The following PRRX1 variants were observed in gnomAD, a reference collection of about 807,000 sequenced individuals.
PRRX1 encodes paired mesoderm homeobox protein 1.
Under a neutral mutation model 24.0 loss-of-function variants are expected in PRRX1, and 8 were observed. That is an observed-to-expected ratio of 0.33 (90% confidence interval 0.20 to 0.60). PRRX1 has a LOEUF of 0.60. Among genes scored for constraint, PRRX1 ranks in the 20% least tolerant of loss-of-function variants. PRRX1 has a pLI of 0.82. For missense variants in PRRX1, 281 were observed against 322.4 expected, an observed-to-expected ratio of 0.87 and a Z score of 0.98; for synonymous variants, 160 against 131.7, an observed-to-expected ratio of 1.22 and a Z score of -1.47.
intron 1 of PRRX1, among the ~76,000 whole-genome samples, chr1:170,681,503 A>G (rs1010813184): frequency 2.0e-4 from 31 of 152,172 alleles, no homozygotes; most frequent in Admixed American, 7.9e-4. Flanking sequence ...GCAAAAAAAA[A>G]AACCCTCTTA....
At chr1:170,682,575 G>C (rs1349694186) in intron 1 of PRRX1, among the ~76,000 whole-genome samples, 1 of 152,068 alleles carries the variant, frequency 6.6e-6, no homozygotes, top group African/African-American at 2.4e-5. Context: ...TTGTAGAACA[G>C]ACTTCCATGC....
At chr1:170,728,043 C>A (rs1374197067) in intron 3 of PRRX1, 1 of 152,188 alleles carries the variant, frequency 6.6e-6, no homozygotes, top group Non-Finnish European at 1.5e-5. Flanking sequence ...GCTTCAAGAT[C>A]TCTGGTTTGA....
At chr1:170,674,823 G>A (rs1429224866) in intron 1 of PRRX1, among the ~76,000 whole-genome samples, 2 of 151,710 alleles carry the variant, frequency 1.3e-5, no homozygotes, top group African/African-American at 4.9e-5. Flanking sequence ...ATGTATTATT[G>A]TACATTTCAA....
chr1:170,726,302 C>T lies in PRRX1; in HGVS notation c.500C>T (p.Ser167Phe). ...LANKNASLLKSYSGDVTAVEQ... is the reference protein window; with the variant it reads ...LANKNASLLKFYSGDVTAVEQ... ...AATAAAAACGCTTCCCTCCTCAAAT[C>T]CTACTCAGGAGACGTGACTGCTGTG... The change falls in exon 3 of 4, where the codon TCC (serine) becomes TTC (phenylalanine). Residue 167 changes from serine to phenylalanine, a missense_variant. Transcript: ENST00000239461. 6.2e-7 allele frequency: 1 copy of T among 1,614,050 alleles called. No homozygotes were observed.
At chr1:170,674,223 C>T (rs376404012) in intron 1 of PRRX1, among the ~76,000 whole-genome samples, 5 of 151,994 alleles carry the variant, frequency 3.3e-5, no homozygotes, top group Admixed American at 6.6e-5. Context: ...CACACGTGTG[C>T]GCGCTTGCGC....
At chr1:170,724,906 C>T (rs574316142) in intron 2 of PRRX1, among the ~76,000 whole-genome samples, 12 of 152,298 alleles carry the variant, frequency 7.9e-5, no homozygotes, top group African/African-American at 2.6e-4. Flanking sequence ...TTCTTCCTAT[C>T]CATGAGCATA....
chr1:170,686,371 T>C (rs1558048445), intron 1 of PRRX1, among the ~76,000 whole-genome samples: 3 of 152,012 alleles, frequency 2.0e-5, no homozygotes, highest in African/African-American at 7.2e-5. Flanking sequence ...CACTGGGGCG[T>C]AGGGGAAGCA....
intron 1 of PRRX1, among the ~76,000 whole-genome samples, chr1:170,673,919 G>A (rs2101886820): frequency 6.6e-6 from 1 of 152,266 alleles, no homozygotes; most frequent in East Asian, 1.9e-4. Flanking sequence ...CTAGCCTGTG[G>A]AAACTCTCTG....
chr1:170,721,772 A>G (rs1558060956), intron 2 of PRRX1, among the ~76,000 whole-genome samples: 2 of 152,002 alleles, frequency 1.3e-5, no homozygotes. Context: ...CTTCCTCAAC[A>G]CTGCTTACCG....
At chr1:170,688,342 TTTTTTTTCTA>T (rs1338029874) in intron 1 of PRRX1, among the ~76,000 whole-genome samples, 1 of 151,914 alleles carries the variant, frequency 6.6e-6, no homozygotes, top group Non-Finnish European at 1.5e-5. Context: ...AAGGTATCTA[TTTTTTTTCTA>T]TTTTTCTTAA....
chr1:170,727,771 T>G (rs1002488831), intron 3 of PRRX1: 1 of 152,232 alleles, frequency 6.6e-6, no homozygotes, highest in African/African-American at 2.4e-5. Context: ...TTCTGGGCCC[T>G]ATTGCACTCA....
chr1:170,738,834 G>C lies in PRRX1; in HGVS notation c.*2648G>C, dbSNP rs534619366. 4.4e-6 allele frequency: 1 copy of C among 229,150 alleles called. No homozygotes were observed. The highest frequency in any genetic ancestry group is 2.2e-5 in the African/African-American group (1 of 45,220). The allele number at this position is 229,150 out of a possible 1,614,324, so 14.2% of individuals were successfully genotyped here. A position where few individuals can be genotyped will look rare whatever the true frequency, so the allele number is the denominator to read the frequency against. Reference sequence around the variant, plus strand: ...TAAACCCAAATGATAGGTGAAGTTGGGTGGTTTTATCCAATGTCTCAAGCA... The same window carrying C: ...TAAACCCAAATGATAGGTGAAGTTGCGTGGTTTTATCCAATGTCTCAAGCA... On this transcript the variant is annotated 3_prime_UTR_variant, in exon 4 of 4. Transcript: ENST00000239461.
intron 1 of PRRX1, 56 bp downstream of exon 1, chr1:170,664,515 C>A: frequency 1.3e-6 from 2 of 1,547,652 alleles, no homozygotes; most frequent in Non-Finnish European, 1.7e-6. Context: ...GGGCGGGGAC[C>A]CGTGTAGGGC....
intron 1 of PRRX1, among the ~76,000 whole-genome samples, chr1:170,708,536 A>G (rs1330822052): frequency 6.6e-6 from 1 of 152,166 alleles, no homozygotes; most frequent in Non-Finnish European, 1.5e-5. Context: ...GGAAATGACT[A>G]ACTAGAAGAA....
Position 170,719,908 on chromosome 1 carries a change from C to G in PRRX1, c.417+7C>G, listed in dbSNP as rs185136214. 352 of 1,613,760 alleles carry G rather than the reference C, an allele frequency of 2.2e-4. 1 individual carries two copies. The African/African-American group carries it at 3.9e-3, about 18-fold the overall frequency. ...CACCGAGGCGAGAGTGCAGGTAACTCAAGCTGTGAGAGGCTGGCACCAAGT... is the reference window on the plus strand; with the variant it reads ...CACCGAGGCGAGAGTGCAGGTAACTGAAGCTGTGAGAGGCTGGCACCAAGT... On this transcript the variant is annotated splice_region_variant and intron_variant, in intron 2 of 3. Transcript: ENST00000239461.
At chr1:170,730,385 G>A in intron 3 of PRRX1, 1 of 1,547,344 alleles carries the variant, frequency 6.5e-7, no homozygotes, top group South Asian at 1.1e-5. Context: ...GGCTGCTTGG[G>A]GTAGGGTTTA....
intron 1 of PRRX1, among the ~76,000 whole-genome samples, chr1:170,700,746 C>A (rs993905656): frequency 2.6e-5 from 4 of 152,188 alleles, no homozygotes; most frequent in African/African-American, 9.7e-5. Flanking sequence ...ACCCACTTTG[C>A]TGCTGAAAAC....
intron 1 of PRRX1, among the ~76,000 whole-genome samples, chr1:170,691,671 C>G (rs1653985975): frequency 1.3e-5 from 2 of 151,512 alleles, no homozygotes; most frequent in African/African-American, 4.8e-5. Flanking sequence ...CCTCTTCTCT[C>G]TTTCTTTCTT....
chr1:170,668,680 G>A (rs1482382585), intron 1 of PRRX1: 1 of 152,180 alleles, frequency 6.6e-6, no homozygotes, highest in Non-Finnish European at 1.5e-5. Context: ...CAGGAGAGCG[G>A]GAACATTTTC....
Sources: gnomAD v4.1 joint callset for allele counts (sites outside exome capture counted in the v4.1 genomes callset) on GRCh38, gnomAD v4.1.1 for gene constraint, MANE v1.5 for transcripts, NCBI Gene and HGNC (gene_info 2026-07-23, HGNC 2026-07-21) for gene names.